The following PLS3 variants were observed in gnomAD, a reference collection of about 807,000 sequenced individuals.
PLS3 encodes plastin 3, also known as plastin-3.
Under a neutral mutation model 46.5 loss-of-function variants are expected in PLS3, and 11 were observed. That is an observed-to-expected ratio of 0.24 (90% CI 0.15 to 0.39). The LOEUF is 0.39. Ranked by LOEUF, PLS3 falls within the 10% of genes least tolerant of loss-of-function variation. PLS3 has a pLI of 1.00. For synonymous variants in PLS3, 167 were observed against 162.2 expected (o/e 1.03, Z -0.22); for missense variants, 308 against 461.8 (o/e 0.67, Z 3.05).
At chrX:115,590,332 T>C (rs2074336378) in intron 1 of PLS3, among the ~76,000 whole-genome samples, 1 of 111,141 alleles carries the variant, frequency 9.0e-6, no homozygotes, top group Non-Finnish European at 1.9e-5. Context: ...TGCAGAACCC[T>C]TGCCACCGTC....
intron 2 of PLS3, among the ~76,000 whole-genome samples, chrX:115,615,559 C>A (rs892303850): frequency 5.8e-5 from 6 of 103,480 alleles, no homozygotes. Context: ...ACAGTTGATT[C>A]TTTTCTTATG....
intron 1 of PLS3, among the ~76,000 whole-genome samples, chrX:115,600,904 G>A (rs1217365305): frequency 9.1e-6 from 1 of 110,388 alleles, no homozygotes; most frequent in African/African-American, 3.3e-5. Flanking sequence ...AAAAATAGAG[G>A]AGAGTATTCT....
chrX:115,608,889 A>G (rs1302330896), intron 1 of PLS3, among the ~76,000 whole-genome samples: 2 of 108,835 alleles, frequency 1.8e-5, no homozygotes, highest in Admixed American at 1.0e-4. Flanking sequence ...GTATTTGGGA[A>G]CTCTCTGTAA....
chrX:115,570,894 C>CTTTT (rs369920378), intron 1 of PLS3, among the ~76,000 whole-genome samples: 1 of 84,334 alleles, frequency 1.2e-5, no homozygotes, highest in Non-Finnish European at 2.2e-5. Flanking sequence ...TTAATTTATT[C>CTTTT]TTTTTTTTTT....
intron 1 of PLS3, among the ~76,000 whole-genome samples, chrX:115,564,832 C>T (rs2074162617): frequency 8.9e-6 from 1 of 111,891 alleles, no homozygotes; most frequent in African/African-American, 3.2e-5. Flanking sequence ...TCTCTCAATA[C>T]ATGACAACAA....
chrX:115,615,487 CAG>C (rs72382307), intron 2 of PLS3, among the ~76,000 whole-genome samples: 4,450 of 73,579 alleles, frequency 0.06, 108 homozygotes, highest in African/African-American at 0.093. Context: ...CACGTGTCAT[CAG>C]AGAGAGAGAG....
At chrX:115,646,862 A>ATC (rs1199483454) in intron 13 of PLS3, among the ~76,000 whole-genome samples, 1 of 112,280 alleles carries the variant, frequency 8.9e-6, no homozygotes, top group African/African-American at 3.2e-5. Flanking sequence ...GAAAATAAAG[A>ATC]TCTCTCTCTG....
chrX:115,577,260 C>G (rs782246435), intron 1 of PLS3, among the ~76,000 whole-genome samples: 1 of 111,768 alleles, frequency 8.9e-6, no homozygotes, highest in African/African-American at 3.2e-5. Flanking sequence ...TTGAGTCTGA[C>G]AAGCTCTTCC....
At chrX:115,623,738 G>T (rs1246001904) in intron 3 of PLS3, among the ~76,000 whole-genome samples, 1 of 111,015 alleles carries the variant, frequency 9.0e-6, no homozygotes, top group Non-Finnish European at 1.9e-5. Context: ...CCTTTGTCAT[G>T]GTTTATTTTT....
At chrX:115,648,711 T>C (rs1400380263) in intron 15 of PLS3, among the ~76,000 whole-genome samples, 1 of 112,044 alleles carries the variant, frequency 8.9e-6, no homozygotes, top group Non-Finnish European at 1.9e-5. Context: ...TTATTTCTTT[T>C]TTCCTTGAAA....
Position 115,605,614 on chromosome X carries a change from C to T in PLS3, c.-8-4629C>T, listed in dbSNP as rs1461883580. 5.4e-5 allele frequency among the ~76,000 whole-genome samples: 6 copies of T among 110,799 alleles called. No individual in the cohort carries two copies. In the East Asian group the frequency reaches 1.4e-3, roughly 26 times the overall value. Reference sequence around the variant, plus strand: ...GAGACTACAGGCATGTGCCACCACCCACGATGCCCAGTTAATTTTTTGTAT... The same window carrying T: ...GAGACTACAGGCATGTGCCACCACCTACGATGCCCAGTTAATTTTTTGTAT... On this transcript the variant is annotated intron_variant, in intron 1 of 15. Coordinates refer to ENST00000355899, the MANE Select transcript of PLS3 (RefSeq NM_005032.7).
At chrX:115,630,711 A>G (rs5987759) in intron 5 of PLS3, among the ~76,000 whole-genome samples, 3 of 98,747 alleles carry the variant, frequency 3.0e-5, no homozygotes, top group African/African-American at 1.1e-4. Flanking sequence ...ATGTATATAT[A>G]TACATATATA....
intron 1 of PLS3, among the ~76,000 whole-genome samples, chrX:115,594,657 C>T (rs1385744728): frequency 9.5e-6 from 1 of 105,101 alleles, no homozygotes; most frequent in East Asian, 2.9e-4. Context: ...CTCTCTCTCT[C>T]TCTCTCTCTC....
chrX:115,563,297 A>G (rs1476198540), intron 1 of PLS3, among the ~76,000 whole-genome samples: 2 of 111,994 alleles, frequency 1.8e-5, no homozygotes, highest in Non-Finnish European at 3.8e-5. Context: ...ACTGGATTAG[A>G]AATCATGCAC....
intron 1 of PLS3, among the ~76,000 whole-genome samples, chrX:115,606,165 CT>C (rs782575149): frequency 3.3e-4 from 10 of 30,286 alleles, no homozygotes; most frequent in East Asian, 1.2e-3. Context: ...CTTTTCTTTT[CT>C]TTTTTTTTTT....
chrX:115,595,574 T>C (rs2074379583), intron 1 of PLS3, among the ~76,000 whole-genome samples: 1 of 110,565 alleles, frequency 9.0e-6, no homozygotes, highest in African/African-American at 3.3e-5. Flanking sequence ...GTAGAATCTG[T>C]GATGGGTTTA....
chrX:115,584,255 A>G (rs1351899983), intron 1 of PLS3, among the ~76,000 whole-genome samples: 1 of 112,377 alleles, frequency 8.9e-6, no homozygotes, highest in African/African-American at 3.2e-5. Flanking sequence ...TTCCACATAC[A>G]TCCATTTAAT....
intron 2 of PLS3, among the ~76,000 whole-genome samples, chrX:115,615,480 G>T (rs1168498764): frequency 1.1e-5 from 1 of 92,775 alleles, no homozygotes; most frequent in Non-Finnish European, 2.1e-5. Flanking sequence ...GAACCTACAC[G>T]TGTCATCAGA....
At chrX:115,608,834 A>G (rs1278254700) in intron 1 of PLS3, among the ~76,000 whole-genome samples, 1 of 111,001 alleles carries the variant, frequency 9.0e-6, no homozygotes, top group Non-Finnish European at 1.9e-5. Context: ...TCACTTGACA[A>G]TGCATTTCTC....
Sources: gnomAD v4.1 joint callset for allele counts (sites outside exome capture counted in the v4.1 genomes callset) on GRCh38, gnomAD v4.1.1 for gene constraint, MANE v1.5 for transcripts, NCBI Gene and HGNC (gene_info 2026-07-23, HGNC 2026-07-21) for gene names.